The following RAB7B variants were observed in gnomAD, a reference collection of about 807,000 sequenced individuals.
RAB7B encodes the protein ras-related protein Rab-7b.
chr1:205,999,539 A>G (rs974700709), intron 1 of RAB7B, among the ~76,000 whole-genome samples: 7 of 152,222 alleles, frequency 4.6e-5, no homozygotes, highest in African/African-American at 1.7e-4. Flanking sequence ...GAATTAGCAC[A>G]GTCTTTTTGG....
intron 1 of RAB7B, among the ~76,000 whole-genome samples, chr1:205,997,438 A>T (rs1316548336): frequency 6.6e-6 from 1 of 152,172 alleles, no homozygotes; most frequent in Admixed American, 6.5e-5. Flanking sequence ...TTGGGAAGAG[A>T]TGAATGGGGA....
At chr1:205,985,044 G>T (rs1034942321) in intron 5 of RAB7B, among the ~76,000 whole-genome samples, 2 of 152,168 alleles carry the variant, frequency 1.3e-5, no homozygotes, top group South Asian at 4.1e-4. Context: ...GGGTCCTGAG[G>T]CCTGTACAGT....
chr1:205,982,534 T>C (rs1375993672), intron 5 of RAB7B, among the ~76,000 whole-genome samples: 3 of 152,208 alleles, frequency 2.0e-5, no homozygotes, highest in African/African-American at 4.8e-5. Context: ...TGCACTACAA[T>C]AGCATTTTAT....
intron 4 of RAB7B, 121 bp downstream of exon 4, chr1:205,992,359 A>G: frequency 2.5e-6 from 1 of 397,598 alleles, no homozygotes; most frequent in Non-Finnish European, 4.4e-6. Flanking sequence ...CTAGACTGTG[A>G]AATTCCTGAA....
intron 1 of RAB7B, among the ~76,000 whole-genome samples, chr1:205,998,152 G>A (rs905014305): frequency 6.6e-6 from 1 of 152,196 alleles, no homozygotes; most frequent in Admixed American, 6.5e-5. Flanking sequence ...TCAGGAGTTC[G>A]AGACCAGCCT....
At position 205,978,201 on chromosome 1, in the gene RAB7B, A is replaced by G. The variant is rs1213693904; in HGVS notation, c.*650T>C. Reference sequence around the variant, plus strand: ...GACAGATAAACAAATTGAGACTCAGAGATTTATGTGAGTTGCCTGAGCACC... The same window carrying G: ...GACAGATAAACAAATTGAGACTCAGGGATTTATGTGAGTTGCCTGAGCACC... On this transcript the variant is annotated 3_prime_UTR_variant, in exon 6 of 6. Transcript: ENST00000617070. 1 of 152,170 alleles carries G rather than the reference A, an allele frequency of 6.6e-6. No homozygotes were observed. The highest frequency in any genetic ancestry group is 2.4e-5 in the African/African-American group (1 of 41,448). The allele number at this position is 152,170 out of a possible 1,614,324, so 9.4% of individuals were successfully genotyped here. A position where few individuals can be genotyped will look rare whatever the true frequency, so the allele number is the denominator to read the frequency against.
intron 5 of RAB7B, among the ~76,000 whole-genome samples, chr1:205,985,201 T>C (rs1049778793): frequency 2.0e-5 from 3 of 152,190 alleles, no homozygotes; most frequent in African/African-American, 7.2e-5. Flanking sequence ...CCAATGAAGA[T>C]TGGACTAGAC....
In RAB7B at chr1:205,978,585, A is replaced by C. The variant is rs1053562145; in HGVS notation, c.*266T>G. ...GGGGAAAGCTGGAGCCACTGCGGAAACGGTGACTTCTGCAGGACCAGGGTT... is the reference window on the plus strand; with the variant it reads ...GGGGAAAGCTGGAGCCACTGCGGAACCGGTGACTTCTGCAGGACCAGGGTT... On this transcript the variant is annotated 3_prime_UTR_variant, in exon 6 of 6. Coordinates refer to ENST00000617070, the MANE Select transcript of RAB7B (RefSeq NM_001164522.3). 11 of 326,468 alleles carry C rather than the reference A, an allele frequency of 3.4e-5. No individual in the cohort carries two copies. The highest frequency in any genetic ancestry group is 5.0e-5 in the Non-Finnish European group (9 of 180,480). 20.2% of individuals were successfully genotyped at this position (326,468 alleles called of 1,614,324 possible).
chr1:205,985,023 C>G (rs981986426), intron 5 of RAB7B, among the ~76,000 whole-genome samples: 1 of 152,180 alleles, frequency 6.6e-6, no homozygotes, highest in South Asian at 2.1e-4. Context: ...CTGCCTGCCT[C>G]TTGAGACAGA....
intron 1 of RAB7B, among the ~76,000 whole-genome samples, chr1:206,001,829 C>T (rs1359102032): frequency 6.6e-6 from 1 of 152,218 alleles, no homozygotes; most frequent in Non-Finnish European, 1.5e-5. Context: ...GCCCCAGTGC[C>T]TGGCACCAGC....
Position 206,001,061 on chromosome 1 carries a change from G to T in RAB7B, c.-17+2192C>A, listed in dbSNP as rs928476525. 6.5e-4 allele frequency among the ~76,000 whole-genome samples: 99 copies of T among 152,282 alleles called. No homozygotes were observed. The Middle Eastern group carries it at 0.01, about 16-fold the overall frequency. ...CAGGTTCCCCTACCCTATCCTAGAA[G>T]GGCAGGAGTTTGCTGAGGCTGCTAT... On this transcript the variant is annotated intron_variant, in intron 1 of 5. Transcript: ENST00000617070.
At chr1:205,988,675 A>G (rs929628784) in intron 4 of RAB7B, among the ~76,000 whole-genome samples, 3 of 152,092 alleles carry the variant, frequency 2.0e-5, no homozygotes, top group Admixed American at 6.6e-5. Context: ...CATCCTTCCT[A>G]TTATTACTCA....
chr1:205,979,399 G>A (rs1353210641), intron 5 of RAB7B, among the ~76,000 whole-genome samples: 1 of 152,098 alleles, frequency 6.6e-6, no homozygotes, highest in Non-Finnish European at 1.5e-5. Flanking sequence ...CATCCAGGCA[G>A]CCCTCCCTAA....
At chr1:205,989,687 T>C (rs1010582139) in intron 4 of RAB7B, among the ~76,000 whole-genome samples, 1 of 152,128 alleles carries the variant, frequency 6.6e-6, no homozygotes, top group African/African-American at 2.4e-5. Flanking sequence ...CTGGCCCTTC[T>C]GCCTCCCCTG....
At position 205,996,365 on chromosome 1, in the gene RAB7B, G is replaced by C. The variant is rs976824942; in HGVS notation, c.-16-2214C>G. 1.5e-3 allele frequency among the ~76,000 whole-genome samples: 228 copies of C among 152,298 alleles called. 2 individuals carry two copies. Among genetic ancestry groups the C allele is most frequent in the African/African-American group, 5.1e-3 (210 of 41,548 alleles). ...CAGATGAGGTGTCAAAAGTTGGTCAGCTTGTGTTTCCCCTGCTACTTGGAA... is the reference window on the plus strand; with the variant it reads ...CAGATGAGGTGTCAAAAGTTGGTCACCTTGTGTTTCCCCTGCTACTTGGAA... On this transcript the variant is annotated intron_variant, in intron 1 of 5. Transcript: ENST00000617070.
rs1382963035 is a variant in RAB7B at position 205,981,724 on chromosome 1, G to A, written c.523-2796C>T. On this transcript the variant is annotated intron_variant, in intron 5 of 5. Transcript: ENST00000617070. ...CACCTACTGTGATTTCCTTCACAAT[G>A]TTAACTGAACACCTACTCTGGTTTC... 7.1e-4 allele frequency among the ~76,000 whole-genome samples: 55 copies of A among 77,570 alleles called. 9 individuals are homozygous for A. The highest frequency in any genetic ancestry group is 9.4e-4 in the Non-Finnish European group (33 of 35,002). 50.9% of individuals were successfully genotyped at this position (77,570 alleles called of 152,430 possible). A position where few individuals can be genotyped will look rare whatever the true frequency, so the allele number is the denominator to read the frequency against.
intron 5 of RAB7B, 40 bp from the exon 6 acceptor site, chr1:205,978,968 TAC>T (rs1660438097): frequency 2.5e-6 from 1 of 398,472 alleles, no homozygotes; most frequent in Admixed American, 4.4e-5. Context: ...TGTCCTGAGA[TAC>T]AGAGTGCACC....
intron 5 of RAB7B, among the ~76,000 whole-genome samples, chr1:205,979,765 G>A (rs932792822): frequency 0.31 from 47,130 of 152,064 alleles, 7,960 homozygotes; most frequent in East Asian, 0.44. Context: ...ACGTGGAAGG[G>A]GTTTGTGCTA....
At chr1:206,002,538 T>TA (rs1266503036) in intron 1 of RAB7B, among the ~76,000 whole-genome samples, 2 of 152,088 alleles carry the variant, frequency 1.3e-5, no homozygotes, top group East Asian at 3.9e-4. Flanking sequence ...GGTCTAAAGA[T>TA]ACAGACAAGT....
Sources: gnomAD v4.1 joint callset for allele counts (sites outside exome capture counted in the v4.1 genomes callset) on GRCh38, gnomAD v4.1.1 for gene constraint, MANE v1.5 for transcripts, NCBI Gene and HGNC (gene_info 2026-07-23, HGNC 2026-07-21) for gene names.